The following PPIL2 variants were observed in gnomAD, a reference collection of about 807,000 sequenced individuals.
The protein encoded by PPIL2 is RING-type E3 ubiquitin-protein ligase PPIL2.
Under a neutral mutation model 75.2 loss-of-function variants are expected in PPIL2, and 50 were observed. The observed-to-expected ratio is 0.66, with a 90% confidence interval of 0.53 to 0.84. The LOEUF is 0.84. Among genes scored for constraint, PPIL2 ranks in the 40% least tolerant of loss-of-function variants. The pLI is 0.00. For missense variants in PPIL2, 590 were observed against 685.0 expected (o/e 0.86, Z 1.55); for synonymous variants, 245 against 258.8 (o/e 0.95, Z 0.51).
At position 21,670,912 on chromosome 22, in the gene PPIL2, CAGG is replaced by C; in HGVS notation, c.129-81_129-79del. The stretch of plus-strand genomic sequence containing the variant: ...GAGAGGGCTCCCTGGGACAGCATTT[CAGG>C]AGGTCACCATGCCAGTCTCAGCCAG... On this transcript the variant is annotated intron_variant, in intron 3 of 19. Coordinates refer to ENST00000398831, the MANE Select transcript of PPIL2 (RefSeq NM_014337.4). The C allele has an allele frequency of 3.0e-6, 4 of 1,319,952 alleles. 1 individual carries two copies. The South Asian group carries it at 4.7e-5, about 16-fold the overall frequency. The allele number at this position is 1,319,952 out of a possible 1,614,324, so 81.8% of individuals were successfully genotyped here.
intron 13 of PPIL2, 53 bp from the exon 14 acceptor site, chr22:21,688,020 G>T: frequency 6.2e-7 from 1 of 1,611,588 alleles, no homozygotes; most frequent in Non-Finnish European, 8.5e-7. Flanking sequence ...TCAGGCAGGC[G>T]GTGGGCCTCG....
chr22:21,696,100 C>G lies in PPIL2; in HGVS notation c.*610C>G. ...ATTACCTGGGACAAGTTTTCAGACC[C>G]CAGACTTACTGAGCCTAAGCCTCTG... is the stretch of plus-strand genomic sequence containing the variant. On this transcript the variant is annotated 3_prime_UTR_variant, in exon 20 of 20. Coordinates refer to ENST00000398831, the MANE Select transcript of PPIL2 (RefSeq NM_014337.4). 2 of 974,356 alleles carry G rather than the reference C, an allele frequency of 2.1e-6. No individual in the cohort carries two copies. The highest frequency in any genetic ancestry group is 5.3e-4 in the Middle Eastern group (1 of 1,882). 60.4% of individuals were successfully genotyped at this position (974,356 alleles called of 1,614,324 possible). A position where few individuals can be genotyped will look rare whatever the true frequency, so the allele number is the denominator to read the frequency against.
In PPIL2 at chr22:21,688,823, C is replaced by T. The variant is rs747214968; in HGVS notation, c.1113C>T (p.Ser371=). The T allele has an allele frequency of 4.8e-5, 78 of 1,614,200 alleles. No individual in the cohort carries two copies. In the East Asian group the frequency reaches 1.1e-3, roughly 22 times the overall value. ...GCGGCATCCTCAGCATGGCCAACTC[C>T]GGGCCCAACAGCAACAGGTCTCAAT... ...TGRGILSMAN[S]GPNSNRSQFF... Residue 371 remains serine (S), a synonymous_variant, in exon 15 of 20, where the codon TCC becomes TCT. Transcript: ENST00000398831.
chr22:21,678,893 ATT>A (rs10706275), intron 6 of PPIL2, among the ~76,000 whole-genome samples: 130 of 118,114 alleles, frequency 1.1e-3, no homozygotes, highest in East Asian at 2.2e-3. Context: ...TGCCCAGCCA[ATT>A]TTTTTTTTTT....
intron 6 of PPIL2, among the ~76,000 whole-genome samples, chr22:21,676,268 G>GTT (rs2066840350): frequency 6.8e-6 from 1 of 147,734 alleles, no homozygotes; most frequent in Non-Finnish European, 1.5e-5. Flanking sequence ...GTGTGTGTGT[G>GTT]TGTGTGTGTG....
rs141332774 is a variant in PPIL2 at position 21,686,509 on chromosome 22, C to T, written c.741C>T (p.Ser247=). ...NAAHYSTGKV[S]ASFTSTAMVP... The stretch of plus-strand genomic sequence containing the variant: ...CCCACTATTCCACAGGGAAGGTCAG[C>T]GCTTCCTTCACCTCCACCGCGATGG... Residue 247 remains serine (S), a synonymous_variant, in exon 11 of 20, where the codon AGC becomes AGT. Transcript: ENST00000398831. 75 of 1,614,148 alleles carry T rather than the reference C, an allele frequency of 4.6e-5. No individual in the cohort carries two copies. In the African/African-American group the frequency reaches 7.7e-4, roughly 17 times the overall value.
chr22:21,694,726 GC>G, intron 17 of PPIL2, 28 bp from the exon 18 acceptor site: 1 of 1,611,390 alleles, frequency 6.2e-7, no homozygotes, highest in Non-Finnish European at 8.5e-7. Context: ...GGGAGGACCT[GC>G]CGTGCACTGA....
intron 7 of PPIL2, 31 bp from the exon 8 acceptor site, chr22:21,682,406 G>A: frequency 6.3e-7 from 1 of 1,588,158 alleles, no homozygotes; most frequent in Non-Finnish European, 8.6e-7. Context: ...CTTGGGGCAG[G>A]CATCGTAAAA....
At chr22:21,694,385 A>C (rs2067821562) in intron 16 of PPIL2, among the ~76,000 whole-genome samples, 4 of 151,634 alleles carry the variant, frequency 2.6e-5, no homozygotes, top group Middle Eastern at 3.4e-3. Context: ...AAAAACAAAA[A>C]CAGAAAAAAA....
intron 6 of PPIL2, among the ~76,000 whole-genome samples, chr22:21,676,307 T>TGTGTGTG (rs1555894882): frequency 1.1e-4 from 4 of 36,694 alleles, no homozygotes; most frequent in South Asian, 7.4e-4. Flanking sequence ...TATTTATTTA[T>TGTGTGTG]TTTGTGTGTG....
intron 7 of PPIL2, among the ~76,000 whole-genome samples, chr22:21,681,836 C>T (rs1001702908): frequency 5.3e-5 from 8 of 152,144 alleles, no homozygotes; most frequent in African/African-American, 1.7e-4. Context: ...GGGAGACAGC[C>T]GTGTTCACAC....
Position 21,696,844 on chromosome 22 carries a change from G to C in PPIL2, c.*1354G>C. ...TTTGTCTCCCTGGATGCTGGGTGGC[G>C]CCTCATCTGCATCTCTGCCTCACCC... On this transcript the variant is annotated 3_prime_UTR_variant, in exon 20 of 20. Transcript: ENST00000398831. 1.3e-6 allele frequency: 2 copies of C among 1,570,972 alleles called. No individual in the cohort carries two copies. The highest frequency in any genetic ancestry group is 1.7e-6 in the Non-Finnish European group (2 of 1,158,854).
rs762088584 is a variant in PPIL2, at chr22:21,666,066, T to C, written c.-34T>C. 1.2e-6 allele frequency: 2 copies of C among 1,610,244 alleles called. No homozygotes were observed. The highest frequency in any genetic ancestry group is 1.7e-6 in the Non-Finnish European group (2 of 1,178,216). On this transcript the variant is annotated 5_prime_UTR_variant, in exon 1 of 20. Coordinates refer to ENST00000398831, the MANE Select transcript of PPIL2 (RefSeq NM_014337.4). ...TGGTCTGAGTTGTCAGCCGTTGTTT[T>C]TTCGTGCTCGCTAGTCGCCGCCGCC...
At position 21,697,089 on chromosome 22, in the gene PPIL2, C is replaced by A; in HGVS notation, c.*1599C>A. On this transcript the variant is annotated 3_prime_UTR_variant, in exon 20 of 20. Transcript: ENST00000398831. Reference sequence around the variant, plus strand: ...AGAGTGACTTTTGACGCCCTCCATCCCTCCCGCCAGGCACTGTCCTCCGCA... The same window carrying A: ...AGAGTGACTTTTGACGCCCTCCATCACTCCCGCCAGGCACTGTCCTCCGCA... The A allele has an allele frequency of 8.0e-7, 1 of 1,248,192 alleles. No individual in the cohort carries two copies. The highest frequency in any genetic ancestry group is 1.1e-6 in the Non-Finnish European group (1 of 905,096). 77.3% of individuals were successfully genotyped at this position (1,248,192 alleles called of 1,614,324 possible). A position where few individuals can be genotyped will look rare whatever the true frequency, so the allele number is the denominator to read the frequency against.
chr22:21,666,329 C>T (rs2066375868), intron 1 of PPIL2, among the ~76,000 whole-genome samples, 198 bp downstream of exon 1: 1 of 152,212 alleles, frequency 6.6e-6, no homozygotes, highest in Non-Finnish European at 1.5e-5. Flanking sequence ...GGCCGCGGCT[C>T]CGATGACGTC....
At chr22:21,688,612 A>G (rs2067483231) in intron 14 of PPIL2, 120 bp from the exon 15 acceptor site, 3 of 916,124 alleles carry the variant, frequency 3.3e-6, no homozygotes, top group Non-Finnish European at 5.2e-6. Context: ...CTCCCTATCA[A>G]GTGCCCCTGC....
chr22:21,686,510 G>A lies in PPIL2; in HGVS notation c.742G>A (p.Ala248Thr), dbSNP rs747511514. The A allele has an allele frequency of 3.7e-6, 6 of 1,614,034 alleles. No individual in the cohort carries two copies. Among genetic ancestry groups the A allele is most frequent in the South Asian group, 2.2e-5 (2 of 91,090 alleles). The part of the protein sequence containing the change: ...AAHYSTGKVS[A>T]SFTSTAMVPE... Reference sequence around the variant, plus strand: ...CCACTATTCCACAGGGAAGGTCAGCGCTTCCTTCACCTCCACCGCGATGGT... The same window carrying A: ...CCACTATTCCACAGGGAAGGTCAGCACTTCCTTCACCTCCACCGCGATGGT... The change falls in exon 11 of 20, where the codon GCT becomes ACT. Residue 248 changes from alanine (A) to threonine (T), a missense_variant. Ala to Thr is a moderately conservative substitution (Grantham distance 58). Transcript: ENST00000398831.
At chr22:21,677,919 G>A (rs1473721100) in intron 6 of PPIL2, among the ~76,000 whole-genome samples, 3 of 152,204 alleles carry the variant, frequency 2.0e-5, no homozygotes, top group South Asian at 2.1e-4. Context: ...AGGGAGAGCC[G>A]TGTGGGCATC....
chr22:21,676,617 G>A (rs565739623), intron 6 of PPIL2, among the ~76,000 whole-genome samples: 271 of 151,982 alleles, frequency 1.8e-3, no homozygotes, highest in African/African-American at 6.3e-3. Flanking sequence ...ATCTTGCACC[G>A]CCCTTAATCC....
Sources: gnomAD v4.1 joint callset for allele counts (sites outside exome capture counted in the v4.1 genomes callset) on GRCh38, gnomAD v4.1.1 for gene constraint, MANE v1.5 for transcripts, NCBI Gene and HGNC (gene_info 2026-07-23, HGNC 2026-07-21) for gene names.